KIF7: variants seen among roughly 807,000 people sequenced by gnomAD.
KIF7 encodes kinesin-like protein KIF7.
KIF7 carries 104 observed loss-of-function variants against 135.7 expected under a neutral mutation model. The observed-to-expected ratio is 0.77, with a 90% CI of 0.65 to 0.90. The LOEUF (loss-of-function observed/expected upper bound fraction) is 0.90, where lower values mean the gene tolerates loss of function less well. KIF7 is among the 40% of genes least tolerant of loss of function. The pLI is 0.00. For synonymous variants in KIF7, 883 were observed against 809.4 expected (o/e 1.09, Z -1.54); for missense variants, 2,005 against 1,839.1 (o/e 1.09, Z -1.65).
chr15:89,626,856 A>C, downstream of KIF7: 2 of 1,338,586 alleles, frequency 1.5e-6, no homozygotes, highest in Non-Finnish European at 2.1e-6. Flanking sequence ...TGATTTTCTT[A>C]AAGTCTGTTT....
chr15:89,644,176 A>G (rs1963969736), intron 10 of KIF7, among the ~76,000 whole-genome samples: 1 of 152,114 alleles, frequency 6.6e-6, no homozygotes, highest in African/African-American at 2.4e-5. Flanking sequence ...TGAATTTGGT[A>G]ACAAATTCAT....
chr15:89,651,561 A>T (rs1375957124), intron 2 of KIF7, among the ~76,000 whole-genome samples: 1 of 152,270 alleles, frequency 6.6e-6, no homozygotes, highest in Admixed American at 6.5e-5. Context: ...AAAATCAAAC[A>T]GGACACAAAA....
chr15:89,652,533 C>T lies in KIF7; in HGVS notation c.328+70G>A, dbSNP rs1964139431. 5 of 1,201,372 alleles carry T rather than the reference C, an allele frequency of 4.2e-6. No individual in the cohort carries two copies. The East Asian group carries it at 7.8e-5, about 19-fold the overall frequency. 74.4% of individuals were successfully genotyped at this position (1,201,372 alleles called of 1,614,324 possible). A position where few individuals can be genotyped will look rare whatever the true frequency, so the allele number is the denominator to read the frequency against. ...TTCCACAGAACAGGCAGCAAGAGGACAAGGCAGAAATCCAGGAAGGAACTA... is the reference window on the plus strand; with the variant it reads ...TTCCACAGAACAGGCAGCAAGAGGATAAGGCAGAAATCCAGGAAGGAACTA... On this transcript the variant is annotated intron_variant, in intron 2 of 18. Coordinates refer to ENST00000394412, the MANE Select transcript of KIF7 (RefSeq NM_198525.3).
chr15:89,638,083 T>C (rs1415292560), intron 11 of KIF7, among the ~76,000 whole-genome samples: 2 of 151,028 alleles, frequency 1.3e-5, no homozygotes, highest in African/African-American at 2.4e-5. Context: ...ATTATCTCAA[T>C]AGATGCAGAA....
intron 11 of KIF7, 122 bp from the exon 12 acceptor site, chr15:89,634,005 A>G (rs1182098874): frequency 9.7e-7 from 1 of 1,035,008 alleles, no homozygotes; most frequent in African/African-American, 1.6e-5. Flanking sequence ...ATAGACCAAT[A>G]ATAATAACAG....
chr15:89,649,402 G>A (rs1182611964), intron 3 of KIF7, 35 bp from the exon 4 acceptor site: 2 of 1,445,352 alleles, frequency 1.4e-6, no homozygotes, highest in Middle Eastern at 2.1e-4. Context: ...CCCAGGGCAG[G>A]GGCCGCCAGA....
chr15:89,661,037 C>A, the KIF7 span, among the ~76,000 whole-genome samples: 2 of 152,134 alleles, frequency 1.3e-5, no homozygotes, highest in African/African-American at 4.8e-5. Context: ...CATAGTTGAC[C>A]TATGAACATA....
Position 89,647,745 on chromosome 15 carries a change from G to C in KIF7, c.1444-33C>G, listed in dbSNP as rs765967196. 6 of 1,473,880 alleles carry C rather than the reference G, an allele frequency of 4.1e-6. No homozygotes were observed. In the African/African-American group the frequency reaches 8.4e-5, roughly 21 times the overall value. The allele number at this position is 1,473,880 out of a possible 1,614,324, so 91.3% of individuals were successfully genotyped here. A position where few individuals can be genotyped will look rare whatever the true frequency, so the allele number is the denominator to read the frequency against. On this transcript the variant is annotated intron_variant, in intron 5 of 18. Transcript: ENST00000394412. ...GCAGGGAGAGGGGCTTCAGGGGCGG[G>C]GGTTGACAGGGCGAGCTGGACACCC... is the stretch of plus-strand genomic sequence containing the variant.
chr15:89,655,837 A>T (rs1162883624), upstream of KIF7, among the ~76,000 whole-genome samples: 1 of 151,684 alleles, frequency 6.6e-6, no homozygotes, highest in East Asian at 1.9e-4. Context: ...CAGTTATAAG[A>T]CTCTCTTTTT....
At chr15:89,636,033 T>C (rs1408359436) in intron 11 of KIF7, among the ~76,000 whole-genome samples, 1 of 151,996 alleles carries the variant, frequency 6.6e-6, no homozygotes, top group African/African-American at 2.4e-5. Flanking sequence ...TCAACATTCT[T>C]AAAGAAAAGA....
At chr15:89,650,991 A>T (rs888970201) in intron 2 of KIF7, among the ~76,000 whole-genome samples, 5 of 151,964 alleles carry the variant, frequency 3.3e-5, no homozygotes, top group African/African-American at 1.2e-4. Context: ...GAATGCAGTG[A>T]AGCAATCTTG....
In KIF7 at chr15:89,631,593, C is replaced by T. The variant is rs12900805; in HGVS notation, c.3013G>A (p.Gly1005Arg). The T allele has an allele frequency of 0.56, 871,225 of 1,561,492 alleles. 246,566 individuals carry two copies. Among genetic ancestry groups the T allele is most frequent in the Non-Finnish European group, 0.58 (673,333 of 1,151,968 alleles). ...TCCTGGCGCAGGCTGTCGATCTCCC[C>T]GCGGATCTGCTGCTGGCTCTGGGCG... Reference protein sequence around the residue: ...GSAQSQQQIRGEIDSLRQEKD... With the variant: ...GSAQSQQQIRREIDSLRQEKD... The change falls in exon 15 of 19, where the codon GGG (glycine) becomes AGG (arginine). Residue 1005 changes from glycine to arginine, a missense_variant. Coordinates refer to ENST00000394412, the MANE Select transcript of KIF7 (RefSeq NM_198525.3).
chr15:89,623,585 T>C (rs753159398), downstream of KIF7: 9 of 1,558,484 alleles, frequency 5.8e-6, no homozygotes, highest in Admixed American at 2.0e-5. Flanking sequence ...TCATGAGTTA[T>C]AATATTCAAG....
chr15:89,643,950 TA>T (rs754982717), intron 10 of KIF7, among the ~76,000 whole-genome samples: 628 of 120,896 alleles, frequency 5.2e-3, no homozygotes, highest in Admixed American at 8.0e-3. Flanking sequence ...TACAGTTAAG[TA>T]AAAAAAAAAA....
At chr15:89,650,734 A>C (rs1964110737) in intron 2 of KIF7, among the ~76,000 whole-genome samples, 1 of 151,994 alleles carries the variant, frequency 6.6e-6, no homozygotes, top group Non-Finnish European at 1.5e-5. Context: ...AGCCATTAAA[A>C]AGTTAGATTT....
rs1964068572 is a variant in KIF7 at position 89,648,775 on chromosome 15, C to T, written c.924-1G>A. The T allele has an allele frequency of 1.3e-6, 2 of 1,532,298 alleles. No individual in the cohort carries two copies. The highest frequency in any genetic ancestry group is 2.7e-5 in the African/African-American group (2 of 73,046). The allele number at this position is 1,532,298 out of a possible 1,614,324, so 94.9% of individuals were successfully genotyped here. A position where few individuals can be genotyped will look rare whatever the true frequency, so the allele number is the denominator to read the frequency against. The stretch of plus-strand genomic sequence containing the variant: ...CCCGCCCAGCGAGTCTTTGAGGATC[C>T]TGAGGGCGCGAGGGGGAGGCTCTCA... On this transcript the variant is annotated splice_acceptor_variant, in intron 4 of 18. Transcript: ENST00000394412. LOFTEE classifies it high-confidence loss of function.
Position 89,629,099 on chromosome 15 carries a change from C to G in KIF7, c.3541G>C (p.Asp1181His). ...CGGGCCTCATACTGCCTCCTGCTGT[C>G]TGCTAACCCTTCACCGAGGTGGTCT... ...SRDHLGEGLA[D>H]SRRQYEARIQ... The change falls in exon 18 of 19, where the codon GAC becomes CAC. Residue 1181 changes from aspartate (D) to histidine (H), a missense_variant. Physicochemically the swap from Asp to His is moderately conservative, Grantham distance 81. Coordinates refer to ENST00000394412, the MANE Select transcript of KIF7 (RefSeq NM_198525.3). 1 of 1,612,338 alleles carries G rather than the reference C, an allele frequency of 6.2e-7. No homozygotes were observed. Among genetic ancestry groups the G allele is most frequent in the East Asian group, 2.2e-5 (1 of 44,754 alleles).
Position 89,628,503 on chromosome 15 carries a change from C to G in KIF7, c.3948G>C (p.Trp1316Cys). 1.2e-6 allele frequency: 2 copies of G among 1,612,872 alleles called. No homozygotes were observed. Among genetic ancestry groups the G allele is most frequent in the Non-Finnish European group, 1.7e-6 (2 of 1,179,818 alleles). Reference protein sequence around the residue: ...VLPVGEAGLPWNFGPLSKPRR... With the variant: ...VLPVGEAGLPCNFGPLSKPRR... ...GGGGCTTGGACAAAGGCCCAAAGTTCCAGGGCAGGCCTGCCTCACCCACAG... is the reference window on the plus strand; with the variant it reads ...GGGGCTTGGACAAAGGCCCAAAGTTGCAGGGCAGGCCTGCCTCACCCACAG... Residue 1316 changes from tryptophan to cysteine, a missense_variant, in exon 19 of 19, where the codon TGG (tryptophan) becomes TGC (cysteine). Trp to Cys is a radical substitution (Grantham distance 215, BLOSUM62 -2). Transcript: ENST00000394412.
upstream of KIF7, among the ~76,000 whole-genome samples, chr15:89,660,462 T>C (rs895295206): frequency 2.6e-5 from 4 of 152,204 alleles, no homozygotes; most frequent in African/African-American, 9.7e-5. Flanking sequence ...CCATTCTCCT[T>C]TCTCCTTGTT....
Sources: gnomAD v4.1 joint callset for allele counts (sites outside exome capture counted in the v4.1 genomes callset) on GRCh38, gnomAD v4.1.1 for gene constraint, MANE v1.5 for transcripts, NCBI Gene and HGNC (gene_info 2026-07-23, HGNC 2026-07-21) for gene names.